KIF13A: variants seen among roughly 807,000 people sequenced by gnomAD.
The protein encoded by KIF13A is kinesin family member 13A, also known as kinesin-like protein KIF13A.
A neutral mutation model predicts 212.2 loss-of-function variants in KIF13A; 79 were observed. That is an observed-to-expected ratio of 0.37 (90% confidence interval 0.31 to 0.45). KIF13A has a LOEUF of 0.45. KIF13A is among the 20% of genes least tolerant of loss of function. KIF13A has a pLI of 1.00. For missense variants in KIF13A, 1,901 were observed against 2,209.0 expected, an observed-to-expected ratio of 0.86 and a Z score of 2.79; for synonymous variants, 789 against 808.6, an observed-to-expected ratio of 0.98 and a Z score of 0.41.
At chr6:17,955,476 T>A (rs770578984) in intron 2 of KIF13A, among the ~76,000 whole-genome samples, 1 of 152,342 alleles carries the variant, frequency 6.6e-6, no homozygotes, top group African/African-American at 2.4e-5. Context: ...AAATTACCTA[T>A]ACAATAAGTA....
At chr6:17,865,202 G>C (rs922379284) in intron 4 of KIF13A, among the ~76,000 whole-genome samples, 1 of 152,106 alleles carries the variant, frequency 6.6e-6, no homozygotes, top group Non-Finnish European at 1.5e-5. Context: ...TTTTTCTAAA[G>C]TAACTACATA....
rs1415550562 is a variant in KIF13A at position 17,805,589 on chromosome 6, A to G, written c.2190T>C (p.Ala730=). 1 of 1,610,662 alleles carries G rather than the reference A, an allele frequency of 6.2e-7. No homozygotes were observed. Among genetic ancestry groups the G allele is most frequent in the East Asian group, 2.2e-5 (1 of 44,854 alleles). Residue 730 remains alanine, a synonymous_variant, in exon 19 of 39, where the codon GCT becomes GCC. Coordinates refer to ENST00000259711, the MANE Select transcript of KIF13A (RefSeq NM_022113.6). ...RKRGAIVSEP[A]IQVRRKGKST... ...TCTTTCCTTTCCTCCTCACTTGGAT[A>G]GCTGGTTCACTCACTATTGCACCTC...
chr6:17,829,571 G>A lies in KIF13A; in HGVS notation c.1402-1201C>T, dbSNP rs79652453. 0.018 allele frequency among the ~76,000 whole-genome samples: 2,715 copies of A among 152,226 alleles called. 93 individuals are homozygous for A. Among genetic ancestry groups the A allele is most frequent in the African/African-American group, 0.061 (2,536 of 41,526 alleles). On this transcript the variant is annotated intron_variant, in intron 13 of 38. Transcript: ENST00000259711. The surrounding 1 kb of genome is among the most constrained non-coding windows in gnomAD (Gnocchi z 5.4). Reference sequence around the variant, plus strand: ...TTAAGTACCTGAACCTCAGACATACGAGGACTGTGACTATTGGTGATTCAG... The same window carrying A: ...TTAAGTACCTGAACCTCAGACATACAAGGACTGTGACTATTGGTGATTCAG...
At chr6:17,921,577 G>GT (rs1775074532) in intron 2 of KIF13A, among the ~76,000 whole-genome samples, 1 of 152,182 alleles carries the variant, frequency 6.6e-6, no homozygotes, top group African/African-American at 2.4e-5. Flanking sequence ...TTCCATTGGG[G>GT]TATTTTAAAA....
intron 17 of KIF13A, among the ~76,000 whole-genome samples, chr6:17,814,991 C>T (rs1232441571): frequency 2.6e-5 from 4 of 152,042 alleles, no homozygotes; most frequent in Admixed American, 6.6e-5. Flanking sequence ...GTAGTGGCCC[C>T]GAATGCCTGG....
Position 17,861,323 on chromosome 6 carries a change from A to C in KIF13A, c.221-5201T>G, listed in dbSNP as rs1422123839. Among the ~76,000 whole-genome samples the C allele has an allele frequency of 2.6e-5, 4 of 152,232 alleles. No homozygotes were observed. In the East Asian group the frequency reaches 7.7e-4, roughly 29 times the overall value. The stretch of plus-strand genomic sequence containing the variant: ...AGACAATGCATTCTGTTTTAAGACA[A>C]GAAATAATGAACATTTTCCCATCTC... On this transcript the variant is annotated intron_variant, in intron 4 of 38. Transcript: ENST00000259711.
In KIF13A at chr6:17,772,153, G is replaced by C. The variant is rs1581864634; in HGVS notation, c.4325-94C>G. ...AATGACCCAGCCATGGGAATATCTG[G>C]GAGAACAATGAAATTCATAGGCTAA... is the stretch of plus-strand genomic sequence containing the variant. On this transcript the variant is annotated intron_variant, in intron 36 of 38. Transcript: ENST00000259711. The surrounding 1 kb of genome is among the most constrained non-coding windows in gnomAD (Gnocchi z 4.8). 29 of 1,184,672 alleles carry C rather than the reference G, an allele frequency of 2.4e-5. No individual in the cohort carries two copies. In the Middle Eastern group the frequency reaches 8.8e-4, roughly 36 times the overall value. 73.4% of individuals were successfully genotyped at this position (1,184,672 alleles called of 1,614,324 possible).
intron 3 of KIF13A, among the ~76,000 whole-genome samples, chr6:17,876,264 G>A (rs1444188820): frequency 6.6e-6 from 1 of 152,090 alleles, no homozygotes; most frequent in African/African-American, 2.4e-5. Context: ...CTTAAGCACT[G>A]AGCATACAGA....
intron 2 of KIF13A, among the ~76,000 whole-genome samples, chr6:17,962,095 G>A (rs1778863743): frequency 1.3e-5 from 2 of 152,264 alleles, no homozygotes; most frequent in South Asian, 4.2e-4. Flanking sequence ...AGGAGGCCAA[G>A]GCGCGTGGAT....
intron 2 of KIF13A, among the ~76,000 whole-genome samples, chr6:17,979,157 G>A (rs938746485): frequency 2.6e-5 from 4 of 152,148 alleles, no homozygotes; most frequent in Admixed American, 1.3e-4. Context: ...GCCAGGCGTG[G>A]TGGTGCACAC....
intron 4 of KIF13A, among the ~76,000 whole-genome samples, chr6:17,864,060 C>CCCTAGACA (rs1241817429): frequency 6.6e-6 from 1 of 152,156 alleles, no homozygotes; most frequent in African/African-American, 2.4e-5. Context: ...TAGGGGAAAG[C>CCCTAGACA]ATACCAGCCC....
At chr6:17,857,252 A>G (rs939841241) in intron 4 of KIF13A, among the ~76,000 whole-genome samples, 2 of 152,184 alleles carry the variant, frequency 1.3e-5, no homozygotes, top group African/African-American at 4.8e-5. Context: ...TATTTGTGAT[A>G]TGGTTTAGTT....
At chr6:17,936,831 T>C (rs1311277555) in intron 2 of KIF13A, among the ~76,000 whole-genome samples, 1 of 152,188 alleles carries the variant, frequency 6.6e-6, no homozygotes, top group African/African-American at 2.4e-5. Context: ...TAAGTGTGTT[T>C]GCATTCCTTT....
At chr6:17,800,612 T>C (rs562907234) in intron 20 of KIF13A, among the ~76,000 whole-genome samples, 4 of 149,906 alleles carry the variant, frequency 2.7e-5, no homozygotes, top group African/African-American at 9.8e-5. Flanking sequence ...AATTTTTTTT[T>C]TTTTTTGAGA....
chr6:17,764,695 G>A lies in KIF13A; in HGVS notation c.4833C>T (p.Asp1611=). The A allele has an allele frequency of 3.1e-6, 5 of 1,613,628 alleles. No homozygotes were observed. The highest frequency in any genetic ancestry group is 4.2e-6 in the Non-Finnish European group (5 of 1,179,716). Residue 1611 remains aspartate, a synonymous_variant, in exon 39 of 39, where the codon GAC becomes GAT. Transcript: ENST00000259711. The surrounding 1 kb of genome is among the most constrained non-coding windows in gnomAD (Gnocchi z 5.1). Reference sequence around the variant, plus strand: ...AGCTGTCACTAGAAGGGACCACCATGTCAGACAGGGTGGCATTGGAGGCAC... The same window carrying A: ...AGCTGTCACTAGAAGGGACCACCATATCAGACAGGGTGGCATTGGAGGCAC... ...SHSASNATLS[D]MVVPSSDSSD... is the part of the protein sequence containing the mutation.
rs1476442640 is a variant in KIF13A, at chr6:17,764,630, G to T, written c.4898C>A (p.Thr1633Asn). The T allele has an allele frequency of 2.5e-6, 4 of 1,613,938 alleles. No individual in the cohort carries two copies. Among genetic ancestry groups the T allele is most frequent in the Admixed American group, 1.7e-5 (1 of 60,008 alleles). ...CACAAGCGATGGTGTGGAGTGCTCG[G>T]TGGAGTCTGCATCCTTCGTCTGAAT... Reference protein sequence around the residue: ...LAIQTKDADSTEHSTPSLVHD... With the variant: ...LAIQTKDADSNEHSTPSLVHD... The change falls in exon 39 of 39, where the codon ACC becomes AAC. Residue 1633 changes from threonine (T) to asparagine (N), a missense_variant. Around this residue, in one of 5 missense-constraint regions of KIF13A, gnomAD observed 687 missense variants for 759.1 expected, o/e 0.90. Coordinates refer to ENST00000259711, the MANE Select transcript of KIF13A (RefSeq NM_022113.6). This position sits in a 1 kb window ranked among gnomAD's most constrained non-coding sequence, Gnocchi z 5.1.
At chr6:17,876,913 G>A (rs1328566646) in intron 3 of KIF13A, among the ~76,000 whole-genome samples, 2 of 152,120 alleles carry the variant, frequency 1.3e-5, no homozygotes, top group Non-Finnish European at 2.9e-5. Flanking sequence ...GGGATTACAG[G>A]CATGAGCCAC....
intron 2 of KIF13A, among the ~76,000 whole-genome samples, chr6:17,907,802 G>A (rs545390565): frequency 2.0e-5 from 3 of 152,176 alleles, no homozygotes; most frequent in African/African-American, 7.2e-5. Flanking sequence ...ACAGCTGGAA[G>A]AATAGACAAG....
intron 2 of KIF13A, among the ~76,000 whole-genome samples, chr6:17,954,320 A>G (rs1459913182): frequency 6.6e-6 from 1 of 152,000 alleles, no homozygotes; most frequent in Non-Finnish European, 1.5e-5. Context: ...AAAAAAAAAA[A>G]AAATCAGATC....
Sources: gnomAD v4.1 joint callset for allele counts (sites outside exome capture counted in the v4.1 genomes callset) on GRCh38, gnomAD v4.1.1 for gene constraint, gnomAD v4.1.1 regional missense constraint, Gnocchi (gnomAD v3.1) non-coding constraint, MANE v1.5 for transcripts, NCBI Gene and HGNC (gene_info 2026-07-23, HGNC 2026-07-21) for gene names.